The following CAMKMT variants were observed in gnomAD, a reference collection of about 807,000 sequenced individuals.
CAMKMT encodes the protein CaM KMT.
In CAMKMT, 53 loss-of-function variants were observed where a neutral mutation model predicts 48.0. That is an observed-to-expected ratio of 1.10 (90% confidence interval 0.89 to 1.39). The LOEUF (loss-of-function observed/expected upper bound fraction) is 1.39, where lower values mean the gene tolerates loss of function less well. CAMKMT is among the 40% of genes most tolerant of loss of function. CAMKMT has a pLI of 0.00. For synonymous variants in CAMKMT, 165 were observed against 152.3 expected (o/e 1.08, Z -0.61); for missense variants, 428 against 402.7 (o/e 1.06, Z -0.54).
chr2:44,687,941 CA>C (rs1337605892), intron 3 of CAMKMT, among the ~76,000 whole-genome samples: 1 of 152,200 alleles, frequency 6.6e-6, no homozygotes, highest in Non-Finnish European at 1.5e-5. Flanking sequence ...CTTAACTAGA[CA>C]TGAACAACTG....
chr2:44,517,550 G>A (rs1670894507), intron 3 of CAMKMT, among the ~76,000 whole-genome samples: 1 of 152,184 alleles, frequency 6.6e-6, no homozygotes, highest in African/African-American at 2.4e-5. Flanking sequence ...AGGGAGTGGT[G>A]CTTCTTATTT....
chr2:44,437,950 G>GT (rs944048772), intron 3 of CAMKMT, among the ~76,000 whole-genome samples: 8 of 150,268 alleles, frequency 5.3e-5, no homozygotes, highest in South Asian at 2.1e-4. Context: ...AGTAATGTGT[G>GT]TTTTTTTTTC....
chr2:44,709,078 C>A (rs752692071), intron 6 of CAMKMT, among the ~76,000 whole-genome samples: 4 of 152,122 alleles, frequency 2.6e-5, no homozygotes, highest in Non-Finnish European at 5.9e-5. Context: ...AATTAACACA[C>A]CTTTGCTTTA....
intron 3 of CAMKMT, among the ~76,000 whole-genome samples, chr2:44,516,750 T>G (rs1266840479): frequency 6.7e-6 from 1 of 150,144 alleles, no homozygotes; most frequent in Non-Finnish European, 1.5e-5. Flanking sequence ...TTTTTTTTTT[T>G]TTTTTTTTTG....
At chr2:44,493,870 C>A (rs7606223) in intron 3 of CAMKMT, among the ~76,000 whole-genome samples, 3 of 152,054 alleles carry the variant, frequency 2.0e-5, no homozygotes, top group African/African-American at 7.2e-5. Flanking sequence ...AATAAGCAAA[C>A]CAGTAACTGT....
intron 3 of CAMKMT, among the ~76,000 whole-genome samples, chr2:44,436,732 A>G (rs1248620456): frequency 1.3e-5 from 2 of 152,150 alleles, no homozygotes; most frequent in Non-Finnish European, 2.9e-5. Flanking sequence ...TTCTCTCAGG[A>G]CTATGTGATT....
chr2:44,597,697 G>T (rs925815364), intron 3 of CAMKMT, among the ~76,000 whole-genome samples: 1 of 152,116 alleles, frequency 6.6e-6, no homozygotes, highest in East Asian at 1.9e-4. Flanking sequence ...TACAATTGTG[G>T]TATAGTAACA....
At chr2:44,563,354 A>G (rs1668430267) in intron 3 of CAMKMT, among the ~76,000 whole-genome samples, 1 of 151,744 alleles carries the variant, frequency 6.6e-6, no homozygotes, top group African/African-American at 2.4e-5. Context: ...TTCTTCTACA[A>G]TATTATTTTA....
intron 3 of CAMKMT, among the ~76,000 whole-genome samples, chr2:44,420,420 G>A (rs1683853829): frequency 6.6e-6 from 1 of 152,048 alleles, no homozygotes; most frequent in Non-Finnish European, 1.5e-5. Flanking sequence ...GAACAATGCA[G>A]GGGTTAGGAG....
chr2:44,570,452 C>T (rs905576603), intron 3 of CAMKMT, among the ~76,000 whole-genome samples: 6 of 152,132 alleles, frequency 3.9e-5, no homozygotes, highest in African/African-American at 1.4e-4. Flanking sequence ...CATCTTCTTT[C>T]AAACAATTAC....
At chr2:44,488,239 C>A (rs1460997745) in intron 3 of CAMKMT, among the ~76,000 whole-genome samples, 1 of 152,166 alleles carries the variant, frequency 6.6e-6, no homozygotes, top group Non-Finnish European at 1.5e-5. Context: ...TGGCTCACAC[C>A]TGTAATCCCA....
intron 3 of CAMKMT, among the ~76,000 whole-genome samples, chr2:44,435,337 G>A (rs572327537): frequency 6.6e-6 from 1 of 151,884 alleles, no homozygotes; most frequent in African/African-American, 2.4e-5. Context: ...TGTTGGGCAC[G>A]CATCCAAAAA....
chr2:44,588,586 G>A lies in CAMKMT; in HGVS notation c.377-115697G>A, dbSNP rs1428335247. Among the ~76,000 whole-genome samples, 27 of 36,588 alleles carry A rather than the reference G, an allele frequency of 7.4e-4. 5 individuals carry two copies. The highest frequency in any genetic ancestry group is 4.1e-3 in the Admixed American group (14 of 3,392). 24.0% of individuals were successfully genotyped at this position (36,588 alleles called of 152,430 possible). ...ACCCCTCTGCCCGGCCAGCCGCCCC[G>A]TCCAGGAGGGAGGTGGGGGGTCAGC... On this transcript the variant is annotated intron_variant, in intron 3 of 10. Transcript: ENST00000378494.
chr2:44,550,312 C>T (rs1347058679), intron 3 of CAMKMT, among the ~76,000 whole-genome samples: 2 of 151,484 alleles, frequency 1.3e-5, no homozygotes, highest in Admixed American at 1.3e-4. Context: ...GAGGCTTAAG[C>T]CTGAGAGGTT....
At chr2:44,599,034 T>G (rs13403533) in intron 3 of CAMKMT, among the ~76,000 whole-genome samples, 97,502 of 151,766 alleles carry the variant, frequency 0.64, 31,910 homozygotes, top group Admixed American at 0.71. Context: ...TTATAAATCT[T>G]TTAGCAAGGT....
chr2:44,744,360 C>A (rs925436588), intron 8 of CAMKMT, among the ~76,000 whole-genome samples: 8 of 152,100 alleles, frequency 5.3e-5, no homozygotes, highest in Non-Finnish European at 1.2e-4. Flanking sequence ...TCTATTTTAG[C>A]CCAATCTACT....
chr2:44,769,916 C>T (rs977513429), intron 10 of CAMKMT, among the ~76,000 whole-genome samples: 2 of 152,102 alleles, frequency 1.3e-5, no homozygotes, highest in Non-Finnish European at 2.9e-5. Context: ...CTGTTCACGC[C>T]GTAGTAAGGC....
intron 3 of CAMKMT, among the ~76,000 whole-genome samples, chr2:44,679,053 C>G (rs1157202323): frequency 6.6e-6 from 1 of 152,140 alleles, no homozygotes; most frequent in Non-Finnish European, 1.5e-5. Flanking sequence ...TCTTATGAAT[C>G]GAATTCCCAA....
At chr2:44,565,281 A>C (rs1468637032) in intron 3 of CAMKMT, among the ~76,000 whole-genome samples, 1 of 152,206 alleles carries the variant, frequency 6.6e-6, no homozygotes, top group African/African-American at 2.4e-5. Flanking sequence ...AAACATTAAA[A>C]AAATAATAAA....
Sources: allele counts gnomAD v4.1 joint callset (sites outside exome capture counted in the v4.1 genomes callset), GRCh38; gene constraint gnomAD v4.1.1; transcripts MANE v1.5; gene names NCBI Gene and HGNC (gene_info 2026-07-23, HGNC 2026-07-21).